DNAH6: variants seen among roughly 807,000 people sequenced by gnomAD.
The protein encoded by DNAH6 is axonemal beta dynein heavy chain 6.
Under a neutral mutation model 491.4 loss-of-function variants are expected in DNAH6, and 340 were observed. The ratio of observed to expected loss-of-function variants is 0.69; its 90% confidence interval spans 0.63 to 0.76. DNAH6 has a LOEUF of 0.76. Ranked by LOEUF, DNAH6 falls within the 30% of genes least tolerant of loss-of-function variation. DNAH6 has a pLI of 0.00. For missense variants in DNAH6, 4,443 were observed against 4,972.2 expected (o/e 0.89, Z 3.20); for synonymous variants, 1,603 against 1,686.1 (o/e 0.95, Z 1.21).
At position 84,582,483 on chromosome 2, in the gene DNAH6, G is replaced by C. The variant is rs888538821; in HGVS notation, c.2230-1516G>C. On this transcript the variant is annotated intron_variant, in intron 14 of 76. Coordinates refer to ENST00000389394, the MANE Select transcript of DNAH6 (RefSeq NM_001370.2). ...TTTTTTTCCTTTGAGACGGAGTCTC[G>C]CTCTGTCGCCCGGCCTGGAGTGCAG... 3.9e-4 allele frequency among the ~76,000 whole-genome samples: 60 copies of C among 152,218 alleles called. 1 individual carries two copies. The highest frequency in any genetic ancestry group is 4.0e-4 in the Non-Finnish European group (27 of 67,998).
At position 84,701,275 on chromosome 2, in the gene DNAH6, C is replaced by A. The variant is rs200844717; in HGVS notation, c.7997C>A (p.Ser2666Tyr). 2.0e-3 allele frequency: 3,171 copies of A among 1,551,900 alleles called. 7 individuals carry two copies. Among genetic ancestry groups the A allele is most frequent in the Non-Finnish European group, 2.2e-3 (2,537 of 1,147,016 alleles). Residue 2666 changes from serine to tyrosine, a missense_variant, in exon 49 of 77, where the codon TCC (serine) becomes TAC (tyrosine). Coordinates refer to ENST00000389394, the MANE Select transcript of DNAH6 (RefSeq NM_001370.2). The part of the protein sequence containing the change: ...LRRRYYTTPT[S>Y]YLELINLYLS... ...AGGCGGTACTACACGACACCCACCT[C>A]CTACCTGGAGCTTATCAATCTTTAC...
At chr2:84,777,916 C>A (rs1676306521) in intron 64 of DNAH6, 1 of 1,143,302 alleles carries the variant, frequency 8.7e-7, no homozygotes, top group African/African-American at 1.5e-5. Flanking sequence ...TCACGTTAGG[C>A]TGGACCAAAT....
intron 57 of DNAH6, among the ~76,000 whole-genome samples, chr2:84,714,395 C>T (rs1210773001): frequency 6.6e-6 from 1 of 152,144 alleles, no homozygotes; most frequent in Non-Finnish European, 1.5e-5. Flanking sequence ...TGCCAGGGCT[C>T]ATGTCCCAAG....
At chr2:84,591,393 T>C (rs1684098744) in intron 16 of DNAH6, among the ~76,000 whole-genome samples, 1 of 151,448 alleles carries the variant, frequency 6.6e-6, no homozygotes, top group Non-Finnish European at 1.5e-5. Flanking sequence ...ATAATAATAA[T>C]AAAGTAGAAA....
chr2:84,749,825 T>C (rs1673296466), intron 63 of DNAH6, among the ~76,000 whole-genome samples: 3 of 152,174 alleles, frequency 2.0e-5, no homozygotes, highest in Admixed American at 1.3e-4. Context: ...AGCTAGAAAA[T>C]TATAGACTAT....
At position 84,762,845 on chromosome 2, in the gene DNAH6, G is replaced by A. The variant is rs753267788; in HGVS notation, c.10603G>A (p.Asp3535Asn). The A allele has an allele frequency of 8.4e-6, 13 of 1,551,098 alleles. No individual in the cohort carries two copies. Among genetic ancestry groups the A allele is most frequent in the Non-Finnish European group, 1.1e-5 (13 of 1,146,610 alleles). Residue 3535 changes from aspartate (D) to asparagine (N), a missense_variant, in exon 64 of 77, where the codon GAC becomes AAC. By Grantham distance (23) the Asp-to-Asn change is conservative. Around this residue, in one of 3 missense-constraint regions of DNAH6, gnomAD observed 1,463 missense variants for 1,656.6 expected, o/e 0.88. Coordinates refer to ENST00000389394, the MANE Select transcript of DNAH6 (RefSeq NM_001370.2). ...TGTGGACCTGCCTACCCTGTATCAA[G>A]ACATGTCATGCAACACTCCCCTGGT... ...PPVDLPTLYQ[D>N]MSCNTPLVFI...
At chr2:84,753,847 A>G (rs2105088357) in intron 63 of DNAH6, among the ~76,000 whole-genome samples, 1 of 138,738 alleles carries the variant, frequency 7.2e-6, no homozygotes, top group Non-Finnish European at 1.5e-5. Flanking sequence ...TTTTTTTGAG[A>G]CATAGTCTCA....
chr2:84,710,092 C>A (rs961479113), intron 55 of DNAH6, among the ~76,000 whole-genome samples, 195 bp from the exon 56 acceptor site: 1 of 152,202 alleles, frequency 6.6e-6, no homozygotes, highest in African/African-American at 2.4e-5. Context: ...TCTTCCACAT[C>A]TAAACAAAGA....
intron 72 of DNAH6, among the ~76,000 whole-genome samples, chr2:84,809,292 G>A (rs1298455623): frequency 1.3e-5 from 2 of 152,192 alleles, no homozygotes; most frequent in East Asian, 1.9e-4. Context: ...CTACTTCAAG[G>A]TCAAGACTTG....
Position 84,722,701 on chromosome 2 carries a change from A to C in DNAH6, c.9869A>C (p.Lys3290Thr). ...TEQMINVARE[K>T]YRPVATQGSV... ...CAGATGATCAATGTGGCTCGTGAGA[A>C]GTATCGTCCAGTGGCCACTCAAGGC... Residue 3290 changes from lysine (K) to threonine (T), a missense_variant, in exon 60 of 77, where the codon AAG becomes ACG. This residue lies in a region of DNAH6 where 1,463 missense variants were observed against 1,656.6 expected (regional missense o/e 0.88). Coordinates refer to ENST00000389394, the MANE Select transcript of DNAH6 (RefSeq NM_001370.2). 6.5e-7 allele frequency: 1 copy of C among 1,548,740 alleles called. No homozygotes were observed. The highest frequency in any genetic ancestry group is 8.7e-7 in the Non-Finnish European group (1 of 1,145,994).
At chr2:84,665,360 AAT>A (rs1348519599) in intron 37 of DNAH6, among the ~76,000 whole-genome samples, 1 of 152,190 alleles carries the variant, frequency 6.6e-6, no homozygotes, top group Non-Finnish European at 1.5e-5. Context: ...TAGCAAGACT[AAT>A]AAAGAAGGAA....
the DNAH6 span, among the ~76,000 whole-genome samples, chr2:84,497,370 T>C: frequency 2.0e-5 from 3 of 152,258 alleles, no homozygotes; most frequent in Non-Finnish European, 4.4e-5. Context: ...ATTGTTCCTT[T>C]TTATTGCTGA....
intron 35 of DNAH6, among the ~76,000 whole-genome samples, chr2:84,657,328 A>G (rs1012207374): frequency 2.6e-5 from 4 of 151,966 alleles, no homozygotes; most frequent in Non-Finnish European, 5.9e-5. Context: ...CTTTCCATAT[A>G]AACTTTAGAA....
rs186578377 is a variant in DNAH6 at position 84,765,166 on chromosome 2, A to T, written c.10703+2221A>T. 8.5e-5 allele frequency among the ~76,000 whole-genome samples: 13 copies of T among 152,236 alleles called. No homozygotes were observed. In the East Asian group the frequency reaches 2.5e-3, roughly 29 times the overall value. On this transcript the variant is annotated intron_variant, in intron 64 of 76. Transcript: ENST00000389394. ...AATTGCATGTATTATTTAGGAATTCATATTTTTTTAAAAAGTGTAAAGAAA... is the reference window on the plus strand; with the variant it reads ...AATTGCATGTATTATTTAGGAATTCTTATTTTTTTAAAAAGTGTAAAGAAA...
chr2:84,814,233 G>A (rs1307876623), intron 75 of DNAH6, 111 bp downstream of exon 75: 7 of 1,150,612 alleles, frequency 6.1e-6, no homozygotes, highest in Non-Finnish European at 8.5e-6. Context: ...GGCAGGAGCA[G>A]GAAGGGCAGG....
intron 35 of DNAH6, among the ~76,000 whole-genome samples, chr2:84,655,291 C>G (rs1471110543): frequency 5.9e-5 from 9 of 152,158 alleles, no homozygotes; most frequent in African/African-American, 2.2e-4. Flanking sequence ...AAGACACATT[C>G]TAACCTCAGA....
chr2:84,643,344 C>T (rs115466023), intron 33 of DNAH6, among the ~76,000 whole-genome samples: 3 of 151,664 alleles, frequency 2.0e-5, no homozygotes, highest in Non-Finnish European at 2.9e-5. Context: ...TGACCTGCTT[C>T]GGTATAATTT....
At chr2:84,786,482 G>T (rs1214611706) in intron 67 of DNAH6, among the ~76,000 whole-genome samples, 1 of 151,722 alleles carries the variant, frequency 6.6e-6, no homozygotes, top group Non-Finnish European at 1.5e-5. Context: ...AGGTTAAAAG[G>T]TCTTAGAGGA....
chr2:84,578,797 A>G (rs1682726015), intron 13 of DNAH6, among the ~76,000 whole-genome samples: 1 of 152,202 alleles, frequency 6.6e-6, no homozygotes. Flanking sequence ...GTGTAAAGGG[A>G]GGAACCTGAT....
Sources: gnomAD v4.1 joint callset for allele counts (sites outside exome capture counted in the v4.1 genomes callset) on GRCh38, gnomAD v4.1.1 for gene constraint, gnomAD v4.1.1 regional missense constraint, MANE v1.5 for transcripts, NCBI Gene and HGNC (gene_info 2026-07-23, HGNC 2026-07-21) for gene names.